Variants in IRS2 observed in about 807,000 individuals in gnomAD.
IRS2 encodes insulin receptor substrate 2.
A neutral mutation model predicts 70.9 loss-of-function variants in IRS2; 28 were observed. The ratio of observed to expected loss-of-function variants is 0.39; its 90% CI spans 0.29 to 0.54. The LOEUF is 0.54. Ranked by LOEUF, IRS2 falls within the 20% of genes least tolerant of loss-of-function variation. The pLI is 0.59. For missense variants in IRS2, 2,081 were observed against 2,024.1 expected, an observed-to-expected ratio of 1.03 and a Z score of -0.54; for synonymous variants, 1,217 against 981.9, an observed-to-expected ratio of 1.24 and a Z score of -4.48.
Position 109,785,130 on chromosome 13 carries a change from C to T in IRS2, c.924G>A (p.Ser308=), listed in dbSNP as rs770144998. Residue 308 remains serine (S), a synonymous_variant, in exon 1 of 2, where the codon TCG becomes TCA. Coordinates refer to ENST00000375856, the MANE Select transcript of IRS2 (RefSeq NM_003749.3). This position sits in a 1 kb window ranked among gnomAD's most constrained non-coding sequence, Gnocchi z 9.3. Reference sequence around the variant, plus strand: ...TGGGGTGCGTGGCCGACGACCCCGACGATTGGCTCTTACTGCGCGGCCGGA... The same window carrying T: ...TGGGGTGCGTGGCCGACGACCCCGATGATTGGCTCTTACTGCGCGGCCGGA... ...FEFRPRSKSQ[S]SGSSATHPIS... 6 of 1,595,680 alleles carry T rather than the reference C, an allele frequency of 3.8e-6. No individual in the cohort carries two copies. In the African/African-American group the frequency reaches 4.0e-5, roughly 11 times the overall value.
rs770967453 is a variant in IRS2, at chr13:109,782,111, G to A, written c.3943C>T (p.Pro1315Ser). Residue 1315 changes from proline to serine, a missense_variant, in exon 1 of 2, where the codon CCC (proline) becomes TCC (serine). Around this residue, in one of 4 missense-constraint regions of IRS2, gnomAD observed 1,615 missense variants for 1,459.5 expected, o/e 1.11. Transcript: ENST00000375856. ...ATGCTGGCGTAGGTGTTGGCAGGGG[G>A]CAGGGCACCGGGACCCGGCCCCCCG... ...GCGGPGPGAL[P>S]PANTYASIDF... is the part of the protein sequence containing the mutation. 6 of 1,611,472 alleles carry A rather than the reference G, an allele frequency of 3.7e-6. No homozygotes were observed. Among genetic ancestry groups the A allele is most frequent in the Non-Finnish European group, 5.1e-6 (6 of 1,179,468 alleles).
intron 1 of IRS2, among the ~76,000 whole-genome samples, chr13:109,760,782 G>T (rs1877209094): frequency 6.6e-6 from 1 of 152,212 alleles, no homozygotes; most frequent in Non-Finnish European, 1.5e-5. Context: ...AGAGAAAGGA[G>T]GAAAGAAAAC....
Position 109,785,868 on chromosome 13 carries a change from C to A in IRS2, c.186G>T (p.Ala62=). Residue 62 remains alanine, a synonymous_variant, in exon 1 of 2, where the codon GCG becomes GCT. Coordinates refer to ENST00000375856, the MANE Select transcript of IRS2 (RefSeq NM_003749.3). This position sits in a 1 kb window ranked among gnomAD's most constrained non-coding sequence, Gnocchi z 9.3. ...GCGGTTGCGGCGCCGACCCCCCGCCCGCCGTCGCCTCGTCGCCGCCCGCGC... is the reference window on the plus strand; with the variant it reads ...GCGGTTGCGGCGCCGACCCCCCGCCAGCCGTCGCCTCGTCGCCGCCCGCGC... ...GPGAGGDEAT[A]GGGSAPQPPR... The A allele has an allele frequency of 6.6e-7, 1 of 1,510,608 alleles. No homozygotes were observed. The highest frequency in any genetic ancestry group is 8.8e-7 in the Non-Finnish European group (1 of 1,134,256). The allele number at this position is 1,510,608 out of a possible 1,614,324, so 93.6% of individuals were successfully genotyped here.
rs2138932435 is a variant in IRS2 at position 109,783,379 on chromosome 13, C to T, written c.2675G>A (p.Arg892His). 1.3e-6 allele frequency: 2 copies of T among 1,513,598 alleles called. No homozygotes were observed. Among genetic ancestry groups the T allele is most frequent in the African/African-American group, 1.4e-5 (1 of 69,026 alleles). The allele number at this position is 1,513,598 out of a possible 1,614,324, so 93.8% of individuals were successfully genotyped here. A position where few individuals can be genotyped will look rare whatever the true frequency, so the allele number is the denominator to read the frequency against. The part of the protein sequence containing the change: ...GQRGRAVRPT[R>H]LSLEGLPSLP... ...GCTGGGCAGCCCCTCCAGGGACAGGCGCGTGGGCCTCACCGCCCGGCCGCG... is the reference window on the plus strand; with the variant it reads ...GCTGGGCAGCCCCTCCAGGGACAGGTGCGTGGGCCTCACCGCCCGGCCGCG... The change falls in exon 1 of 2, where the codon CGC becomes CAC. Residue 892 changes from arginine (R) to histidine (H), a missense_variant. Physicochemically the swap from Arg to His is conservative, Grantham distance 29 (BLOSUM62 0). Coordinates refer to ENST00000375856, the MANE Select transcript of IRS2 (RefSeq NM_003749.3).
Position 109,782,499 on chromosome 13 carries a change from G to C in IRS2, c.3555C>G (p.Ser1185Arg), listed in dbSNP as rs982378814. The C allele has an allele frequency of 1.9e-6, 3 of 1,553,738 alleles. 1 individual carries two copies. The South Asian group carries it at 3.5e-5, about 18-fold the overall frequency. The change falls in exon 1 of 2, where the codon AGC becomes AGG. Residue 1185 changes from serine (S) to arginine (R), a missense_variant. By Grantham distance (110) the Ser-to-Arg change is moderately radical (BLOSUM62 -1). Transcript: ENST00000375856. ...GGCCGACACCCACGCCGCCCTCGCT[G>C]CTTTTCCTGAGAGAGACATTTTCCA... ...ASVENVSLRK[S>R]SEGGVGVGPG...
chr13:109,784,469 G>A lies in IRS2; in HGVS notation c.1585C>T (p.Pro529Ser), dbSNP rs1566414035. ...NTPESIAETP[P>S]ARDGGGGGEF... is the part of the protein sequence containing the mutation. ...CCGCCGCCGCCGCCGTCTCGGGCCG[G>A]GGGCGTCTCCGCGATGGACTCGGGC... The change falls in exon 1 of 2, where the codon CCG (proline) becomes TCG (serine). Residue 529 changes from proline (P) to serine (S), a missense_variant. Around this residue, in one of 4 missense-constraint regions of IRS2, gnomAD observed 1,615 missense variants for 1,459.5 expected, o/e 1.11. Coordinates refer to ENST00000375856, the MANE Select transcript of IRS2 (RefSeq NM_003749.3). This position sits in a 1 kb window ranked among gnomAD's most constrained non-coding sequence, Gnocchi z 5.2. 6.3e-7 allele frequency: 1 copy of A among 1,582,312 alleles called. No homozygotes were observed. Among genetic ancestry groups the A allele is most frequent in the South Asian group, 1.1e-5 (1 of 89,520 alleles).
At position 109,754,156 on chromosome 13, in the gene IRS2, C is replaced by T. The variant is rs1877053819; in HGVS notation, c.*2148G>A. On this transcript the variant is annotated 3_prime_UTR_variant, in exon 2 of 2. Coordinates refer to ENST00000375856, the MANE Select transcript of IRS2 (RefSeq NM_003749.3). ...TATTTTAAATTTAAGGTAAGTCAGG[C>T]AAAATGTACAAAGACCCAATATACA... 1 of 232,120 alleles carries T rather than the reference C, an allele frequency of 4.3e-6. No homozygotes were observed. The highest frequency in any genetic ancestry group is 8.5e-6 in the Non-Finnish European group (1 of 117,204). 14.4% of individuals were successfully genotyped at this position (232,120 alleles called of 1,614,324 possible). A position where few individuals can be genotyped will look rare whatever the true frequency, so the allele number is the denominator to read the frequency against.
At position 109,784,842 on chromosome 13, in the gene IRS2, G is replaced by C. The variant is rs543264637; in HGVS notation, c.1212C>G (p.Thr404=). 2 of 1,241,972 alleles carry C rather than the reference G, an allele frequency of 1.6e-6. No homozygotes were observed. The highest frequency in any genetic ancestry group is 4.4e-5 in the South Asian group (2 of 45,118). 76.9% of individuals were successfully genotyped at this position (1,241,972 alleles called of 1,614,324 possible). A position where few individuals can be genotyped will look rare whatever the true frequency, so the allele number is the denominator to read the frequency against. ...PVRAPLSRSH[T]LSGGCGGRGS... is the part of the protein sequence containing the mutation. ...CGCGGCCGCCGCAGCCGCCGCTCAG[G>C]GTGTGCGAGCGGCTCAGGGGCGCGC... Residue 404 remains threonine (T), a synonymous_variant, in exon 1 of 2, where the codon ACC becomes ACG. Coordinates refer to ENST00000375856, the MANE Select transcript of IRS2 (RefSeq NM_003749.3). This position sits in a 1 kb window ranked among gnomAD's most constrained non-coding sequence, Gnocchi z 5.2.
rs772875852 is a variant in IRS2 at position 109,784,126 on chromosome 13, G to A, written c.1928C>T (p.Ser643Phe). Residue 643 changes from serine to phenylalanine, a missense_variant, in exon 1 of 2, where the codon TCC becomes TTC. This residue lies in a region of IRS2 where 1,615 missense variants were observed against 1,459.5 expected (regional missense o/e 1.11). Coordinates refer to ENST00000375856, the MANE Select transcript of IRS2 (RefSeq NM_003749.3). This position sits in a 1 kb window ranked among gnomAD's most constrained non-coding sequence, Gnocchi z 5.2. ...GDIEIGSHRS[S>F]SSNLGADDGY... ...GTCGTCTGCCCCCAGGTTGCTGCTG[G>A]AGCTCCTGTGGGAGCCGATCTCGAT... The A allele has an allele frequency of 1.3e-5, 21 of 1,594,824 alleles. No individual in the cohort carries two copies. Among genetic ancestry groups the A allele is most frequent in the Non-Finnish European group, 1.8e-5 (21 of 1,177,466 alleles).
Position 109,782,256 on chromosome 13 carries a change from G to C in IRS2, c.3798C>G (p.Pro1266=), listed in dbSNP as rs1877726679. The change falls in exon 1 of 2, where the codon CCC becomes CCG. Residue 1266 remains proline, a synonymous_variant. Transcript: ENST00000375856. ...IDVREEPGLP[P]QPQPPPPPLP... ...GCGGCGGCGGCGGCGGCTGCGGCTG[G>C]GGTGGCAGCCCGGGCTCCTCCCTCA... 2 of 1,608,440 alleles carry C rather than the reference G, an allele frequency of 1.2e-6. No individual in the cohort carries two copies. Among genetic ancestry groups the C allele is most frequent in the East Asian group, 2.2e-5 (1 of 44,676 alleles).
Position 109,783,827 on chromosome 13 carries a change from T to C in IRS2, c.2227A>G (p.Met743Val). The C allele has an allele frequency of 6.3e-7, 1 of 1,586,544 alleles. No individual in the cohort carries two copies. The highest frequency in any genetic ancestry group is 8.6e-7 in the Non-Finnish European group (1 of 1,166,758). Reference sequence around the variant, plus strand: ...AGCTTGGAACCGCACCACATGCGCATGTACCCACTGTCCTCGGGGGAGCTC... The same window carrying C: ...AGCTTGGAACCGCACCACATGCGCACGTACCCACTGTCCTCGGGGGAGCTC... ...AESSPEDSGY[M>V]RMWCGSKLSM... The change falls in exon 1 of 2, where the codon ATG becomes GTG. Residue 743 changes from methionine (M) to valine (V), a missense_variant. Transcript: ENST00000375856.
rs1474203632 is a variant in IRS2, at chr13:109,754,006, A to G, written c.*2298T>C. 5.2e-5 allele frequency: 12 copies of G among 231,912 alleles called. No individual in the cohort carries two copies. The highest frequency in any genetic ancestry group is 9.4e-5 in the Non-Finnish European group (11 of 117,062). 14.4% of individuals were successfully genotyped at this position (231,912 alleles called of 1,614,324 possible). A position where few individuals can be genotyped will look rare whatever the true frequency, so the allele number is the denominator to read the frequency against. On this transcript the variant is annotated 3_prime_UTR_variant, in exon 2 of 2. Transcript: ENST00000375856. ...CGTGTACAGTGGAAGACAGAGCAAG[A>G]TAAGTTAAGTCTCTTGTCATATCAC...
At chr13:109,757,478 A>T (rs919958149) in intron 1 of IRS2, among the ~76,000 whole-genome samples, 1 of 152,166 alleles carries the variant, frequency 6.6e-6, no homozygotes, top group African/African-American at 2.4e-5. Context: ...GAACTCAACA[A>T]GACAGAAACT....
chr13:109,786,012 G>C lies in IRS2; in HGVS notation c.42C>G (p.Ser14Arg). The change falls in exon 1 of 2, where the codon AGC (serine) becomes AGG (arginine). Residue 14 changes from serine (S) to arginine (R), a missense_variant. By Grantham distance (110) the Ser-to-Arg change is moderately radical. Coordinates refer to ENST00000375856, the MANE Select transcript of IRS2 (RefSeq NM_003749.3). This position sits in a 1 kb window ranked among gnomAD's most constrained non-coding sequence, Gnocchi z 4.4. ...PPRHGPPGPASGDGPNLNNNN... is the reference protein window; with the variant it reads ...PPRHGPPGPARGDGPNLNNNN... Reference sequence around the variant, plus strand: ...TGTTGTTGAGGTTGGGGCCGTCTCCGCTCGCCGGCCCGGGCGGCCCGTGCC... The same window carrying C: ...TGTTGTTGAGGTTGGGGCCGTCTCCCCTCGCCGGCCCGGGCGGCCCGTGCC... The C allele has an allele frequency of 7.2e-7, 1 of 1,396,740 alleles. No homozygotes were observed. The highest frequency in any genetic ancestry group is 9.3e-7 in the Non-Finnish European group (1 of 1,075,022). 86.5% of individuals were successfully genotyped at this position (1,396,740 alleles called of 1,614,324 possible).
rs868507990 is a variant in IRS2, at chr13:109,754,879, C to G, written c.*1425G>C. 2 of 209,232 alleles carry G rather than the reference C, an allele frequency of 9.6e-6. No individual in the cohort carries two copies. The highest frequency in any genetic ancestry group is 1.2e-4 in the Admixed American group (2 of 16,934). The allele number at this position is 209,232 out of a possible 1,614,324, so 13.0% of individuals were successfully genotyped here. ...ACAAAACAAAACCAACAACTTACAT[C>G]TCCAATGAATTAGTGTAACCTCTCC... On this transcript the variant is annotated 3_prime_UTR_variant, in exon 2 of 2. Transcript: ENST00000375856.
chr13:109,785,790 C>G lies in IRS2; in HGVS notation c.264G>C (p.Ala88=). Residue 88 remains alanine (A), a synonymous_variant, in exon 1 of 2, where the codon GCG becomes GCC. Coordinates refer to ENST00000375856, the MANE Select transcript of IRS2 (RefSeq NM_003749.3). The surrounding 1 kb of genome is among the most constrained non-coding windows in gnomAD (Gnocchi z 9.3). The stretch of plus-strand genomic sequence containing the variant: ...AGTCGAGAGCGATCACCCGTTTCGG[C>G]GCGCCTGCCTTGCTCCGCCACTTTT... ...SEKKWRSKAG[A]PKRVIALDCC... 1 of 1,583,324 alleles carries G rather than the reference C, an allele frequency of 6.3e-7. No individual in the cohort carries two copies. Among genetic ancestry groups the G allele is most frequent in the East Asian group, 2.3e-5 (1 of 44,044 alleles).
intron 1 of IRS2, among the ~76,000 whole-genome samples, chr13:109,772,887 G>C (rs1456334229): frequency 6.6e-6 from 1 of 151,682 alleles, no homozygotes; most frequent in East Asian, 1.9e-4. Context: ...AGTAGAGACG[G>C]GGTTTCACCT....
rs1877085709 is a variant in IRS2, at chr13:109,755,495, G to A, written c.*809C>T. ...AGAAGATTAAACAAGTCTGTTAAAG[G>A]TAAAAAGAGATATTCATCCCCTTCC... On this transcript the variant is annotated 3_prime_UTR_variant, in exon 2 of 2. Coordinates refer to ENST00000375856, the MANE Select transcript of IRS2 (RefSeq NM_003749.3). 2 of 213,520 alleles carry A rather than the reference G, an allele frequency of 9.4e-6. No individual in the cohort carries two copies. The highest frequency in any genetic ancestry group is 1.9e-4 in the South Asian group (1 of 5,370). The allele number at this position is 213,520 out of a possible 1,614,324, so 13.2% of individuals were successfully genotyped here.
rs750994392 is a variant in IRS2 at position 109,783,654 on chromosome 13, G to C, written c.2400C>G (p.Gly800=). 1 of 1,554,706 alleles carries C rather than the reference G, an allele frequency of 6.4e-7. No individual in the cohort carries two copies. Among genetic ancestry groups the C allele is most frequent in the South Asian group, 1.2e-5 (1 of 84,722 alleles). ...PGGEPLRGVP[G]CCYSSLPRSY... is the part of the protein sequence containing the mutation. ...AGCGGGGCAAGGAGCTGTAGCAGCAGCCGGGAACGCCCCTGAGCGGCTCCC... is the reference window on the plus strand; with the variant it reads ...AGCGGGGCAAGGAGCTGTAGCAGCACCCGGGAACGCCCCTGAGCGGCTCCC... The change falls in exon 1 of 2, where the codon GGC becomes GGG. Residue 800 remains glycine, a synonymous_variant. Transcript: ENST00000375856.
Sources: gnomAD v4.1 joint callset for allele counts (sites outside exome capture counted in the v4.1 genomes callset) on GRCh38, gnomAD v4.1.1 for gene constraint, gnomAD v4.1.1 regional missense constraint, Gnocchi (gnomAD v3.1) non-coding constraint, MANE v1.5 for transcripts, NCBI Gene and HGNC (gene_info 2026-07-23, HGNC 2026-07-21) for gene names.